OTOA: variants seen among roughly 807,000 people sequenced by gnomAD.
The protein encoded by OTOA is otoancorin.
A neutral mutation model predicts 110.8 loss-of-function variants in OTOA; 70 were observed. The observed-to-expected ratio is 0.63, with a 90% CI of 0.52 to 0.77. The LOEUF is 0.77. Among genes scored for constraint, OTOA ranks in the 30% least tolerant of loss-of-function variants. The probability of loss-of-function intolerance (pLI) is 0.00; values close to 1 mark genes in which losing one functional copy is unlikely to be tolerated. For synonymous variants in OTOA, 373 were observed against 431.5 expected (o/e 0.86, Z 1.68); for missense variants, 917 against 1,075.8 (o/e 0.85, Z 2.06).
chr16:21,749,601 AG>A (rs1344095755), intron 24 of OTOA, among the ~76,000 whole-genome samples: 1 of 143,896 alleles, frequency 6.9e-6, no homozygotes, highest in African/African-American at 2.6e-5. Flanking sequence ...GCTTCCACTT[AG>A]GGGTCTCTCC....
Position 21,719,198 on chromosome 16 carries a change from A to G in OTOA, c.1688+7A>G, listed in dbSNP as rs1898648256. 2.5e-6 allele frequency: 4 copies of G among 1,614,074 alleles called. No individual in the cohort carries two copies. In the African/African-American group the frequency reaches 4.0e-5, roughly 16 times the overall value. On this transcript the variant is annotated splice_region_variant and intron_variant, in intron 16 of 28. Coordinates refer to ENST00000646100, the MANE Select transcript of OTOA (RefSeq NM_144672.4). ...GGCCTGAGGAGCTTTTGAGGTAGGAAAATGTAACTCGGCCTGGGTGCTGAA... is the reference window on the plus strand; with the variant it reads ...GGCCTGAGGAGCTTTTGAGGTAGGAGAATGTAACTCGGCCTGGGTGCTGAA...
rs201691491 is a variant in OTOA, at chr16:21,714,972, G to A, written c.1321-13G>A. ...GGGAGCAGAGCCTGACTGCGCAGCC[G>A]CTCCTCTTCCAGGTGCTGTCTTTCT... On this transcript the variant is annotated splice_polypyrimidine_tract_variant and intron_variant, in intron 13 of 28. Transcript: ENST00000646100. 7.9e-5 allele frequency: 127 copies of A among 1,614,018 alleles called. No individual in the cohort carries two copies. The highest frequency in any genetic ancestry group is 5.2e-4 in the African/African-American group (39 of 75,054).
intron 5 of OTOA, among the ~76,000 whole-genome samples, chr16:21,681,359 G>T (rs1432605857): frequency 6.6e-6 from 1 of 152,040 alleles, no homozygotes; most frequent in Non-Finnish European, 1.5e-5. Flanking sequence ...GGGAGGCAGA[G>T]GTGGGAGGAT....
Position 21,695,891 on chromosome 16 carries a change from A to ATATATTTT in OTOA, c.740-1883_740-1882insATATTTTT, listed in dbSNP as rs569493650. On this transcript the variant is annotated intron_variant, in intron 9 of 28. Transcript: ENST00000646100. The stretch of plus-strand genomic sequence containing the variant: ...GATATATATATATATATATATATAT[A>ATATATTTT]TTTTTTTTTTTTTTTTTTTCTGAGA... Among the ~76,000 whole-genome samples, 209 of 41,902 alleles carry ATATATTTT rather than the reference A, an allele frequency of 5.0e-3. 1 individual carries two copies. Among genetic ancestry groups the ATATATTTT allele is most frequent in the Non-Finnish European group, 5.6e-3 (151 of 27,022 alleles). 27.5% of individuals were successfully genotyped at this position (41,902 alleles called of 152,430 possible). A position where few individuals can be genotyped will look rare whatever the true frequency, so the allele number is the denominator to read the frequency against.
chr16:21,732,458 A>G (rs1294609514), intron 21 of OTOA, among the ~76,000 whole-genome samples: 4 of 151,986 alleles, frequency 2.6e-5, no homozygotes, highest in African/African-American at 9.7e-5. Context: ...ACACTGCAAC[A>G]TATTTGTAGT....
rs550159916 is a variant in OTOA at position 21,696,156 on chromosome 16, G to A, written c.740-1619G>A. Among the ~76,000 whole-genome samples the A allele has an allele frequency of 6.6e-5, 10 of 151,712 alleles. No individual in the cohort carries two copies. In the South Asian group the frequency reaches 1.0e-3, roughly 16 times the overall value. On this transcript the variant is annotated intron_variant, in intron 9 of 28. Transcript: ENST00000646100. Reference sequence around the variant, plus strand: ...GATCCACCTGCCTCGGCCTCCCAAAGTTCTGGGATTACAGGCTTGAGCCAC... The same window carrying A: ...GATCCACCTGCCTCGGCCTCCCAAAATTCTGGGATTACAGGCTTGAGCCAC...
At chr16:21,668,459 C>CTTTTT (rs374673931) in intron 1 of OTOA, among the ~76,000 whole-genome samples, 3 of 122,064 alleles carry the variant, frequency 2.5e-5, no homozygotes, top group African/African-American at 3.1e-5. Flanking sequence ...TTGTTTCTTT[C>CTTTTT]TTTTTTTTTT....
intron 24 of OTOA, among the ~76,000 whole-genome samples, chr16:21,749,649 T>C (rs1312327893): frequency 2.3e-5 from 3 of 132,016 alleles, no homozygotes; most frequent in Non-Finnish European, 4.7e-5. Context: ...TGAGGTCTTA[T>C]AATCTCTTTT....
intron 27 of OTOA, among the ~76,000 whole-genome samples, 176 bp from the exon 28 acceptor site, chr16:21,756,906 T>C (rs1319013286): frequency 2.2e-5 from 3 of 136,322 alleles, no homozygotes; most frequent in Admixed American, 7.8e-5. Flanking sequence ...TATTTTTAAA[T>C]GCATTTACTT....
intron 12 of OTOA, among the ~76,000 whole-genome samples, chr16:21,707,381 C>G (rs540894746): frequency 6.6e-6 from 1 of 151,902 alleles, no homozygotes; most frequent in Non-Finnish European, 1.5e-5. Context: ...ACAGGGAGGG[C>G]CTGTTCAAAT....
At chr16:21,685,634 C>T (rs549160769) in intron 7 of OTOA, among the ~76,000 whole-genome samples, 5 of 152,156 alleles carry the variant, frequency 3.3e-5, no homozygotes, top group Admixed American at 6.5e-5. Flanking sequence ...ACAATCTCAG[C>T]TCACTGTAAC....
intron 7 of OTOA, 60 bp from the exon 8 acceptor site, chr16:21,687,353 C>A: frequency 1.4e-6 from 2 of 1,418,528 alleles, no homozygotes; most frequent in Admixed American, 1.7e-5. Flanking sequence ...TGGTCCCTCC[C>A]AGGGCTTCCA....
intron 20 of OTOA, chr16:21,730,573 T>A (rs1445185282): frequency 2.4e-6 from 1 of 413,686 alleles, no homozygotes; most frequent in Non-Finnish European, 4.7e-6. Flanking sequence ...CTTGGTAATA[T>A]GAATGTCCTC....
chr16:21,665,302 G>C (rs549499996), intron 1 of OTOA, among the ~76,000 whole-genome samples: 2 of 152,170 alleles, frequency 1.3e-5, no homozygotes, highest in Admixed American at 6.5e-5. Context: ...GTGTGACCTT[G>C]GGCAGGTCAC....
intron 22 of OTOA, among the ~76,000 whole-genome samples, chr16:21,736,953 C>A (rs1240173018): frequency 6.6e-6 from 1 of 152,306 alleles, no homozygotes; most frequent in African/African-American, 2.4e-5. Flanking sequence ...ACTTAGAGGA[C>A]CAACATGGAT....
At chr16:21,719,050 G>A in intron 15 of OTOA, 83 bp from the exon 16 acceptor site, 2 of 1,344,138 alleles carry the variant, frequency 1.5e-6, no homozygotes, top group East Asian at 4.6e-5. Context: ...ATGGGATTGT[G>A]GAATGCCTTC....
intron 10 of OTOA, among the ~76,000 whole-genome samples, chr16:21,698,622 T>C (rs1897990716): frequency 6.6e-6 from 1 of 152,148 alleles, no homozygotes; most frequent in Admixed American, 6.6e-5. Flanking sequence ...ATGACTGGCC[T>C]GTTCAAGGAC....
At chr16:21,706,849 T>C in intron 12 of OTOA, among the ~76,000 whole-genome samples, 1 of 47,824 alleles carries the variant, frequency 2.1e-5, no homozygotes, top group East Asian at 3.3e-4. Context: ...ATAAGATTCA[T>C]TTTTTTTTTT....
chr16:21,718,118 C>T (rs555384321), intron 15 of OTOA, among the ~76,000 whole-genome samples: 5 of 151,982 alleles, frequency 3.3e-5, no homozygotes, highest in East Asian at 1.9e-4. Context: ...CCATCATGCC[C>T]GGCTAATTTT....
Sources: gnomAD v4.1 joint callset for allele counts (sites outside exome capture counted in the v4.1 genomes callset) on GRCh38, gnomAD v4.1.1 for gene constraint, MANE v1.5 for transcripts, NCBI Gene and HGNC (gene_info 2026-07-23, HGNC 2026-07-21) for gene names.